LAMA1: variants seen among roughly 807,000 people sequenced by gnomAD.
The protein encoded by LAMA1 is laminin subunit alpha 1.
LAMA1 carries 219 observed loss-of-function variants against 348.7 expected under a neutral mutation model. The ratio of observed to expected loss-of-function variants is 0.63; its 90% CI spans 0.56 to 0.70. LAMA1 has a LOEUF of 0.70. LAMA1 is among the 30% of genes least tolerant of loss of function. The pLI is 0.00. For synonymous variants in LAMA1, 1,487 were observed against 1,491.0 expected (o/e 1.00, Z 0.06); for missense variants, 3,744 against 3,888.0 (o/e 0.96, Z 0.99).
At chr18:7,055,308 C>A (rs534291265) in intron 3 of LAMA1, among the ~76,000 whole-genome samples, 20 of 151,960 alleles carry the variant, frequency 1.3e-4, no homozygotes, top group African/African-American at 4.8e-4. Flanking sequence ...CAAAAATTAG[C>A]TGGGTGTAGT....
intron 27 of LAMA1, 28 bp downstream of exon 27, chr18:7,009,211 C>T (rs756399937): frequency 2.7e-5 from 43 of 1,613,292 alleles, no homozygotes; most frequent in Admixed American, 1.2e-4. Flanking sequence ...ATGAAAATAA[C>T]GGTCAAAATT....
chr18:7,056,354 T>A (rs2058081938), intron 3 of LAMA1, among the ~76,000 whole-genome samples: 1 of 152,222 alleles, frequency 6.6e-6, no homozygotes, highest in South Asian at 2.1e-4. Context: ...TGAAACAGAA[T>A]GTAATTACTT....
At chr18:6,970,074 G>T (rs1272787141) in intron 48 of LAMA1, among the ~76,000 whole-genome samples, 1 of 152,142 alleles carries the variant, frequency 6.6e-6, no homozygotes, top group Non-Finnish European at 1.5e-5. Context: ...AGGGGTCGGG[G>T]TGTTTTTCAT....
chr18:7,044,519 G>A (rs1255842900), intron 7 of LAMA1, among the ~76,000 whole-genome samples: 2 of 151,990 alleles, frequency 1.3e-5, no homozygotes, highest in Non-Finnish European at 2.9e-5. Flanking sequence ...CGGGAAGGGG[G>A]ACTCATAGAT....
chr18:6,994,716 G>GCAAA (rs1555649777), intron 34 of LAMA1, among the ~76,000 whole-genome samples: 3 of 150,648 alleles, frequency 2.0e-5, no homozygotes, highest in Non-Finnish European at 4.4e-5. Context: ...ATTCATAAAT[G>GCAAA]AAAAAACAGT....
intron 3 of LAMA1, among the ~76,000 whole-genome samples, chr18:7,075,991 T>A (rs116659155): frequency 1.3e-5 from 2 of 151,394 alleles, no homozygotes; most frequent in Admixed American, 1.3e-4. Flanking sequence ...GTGCCTGAAC[T>A]GTGCCAATGT....
rs148925029 is a variant in LAMA1, at chr18:6,980,567, G to T, written c.5961C>A (p.Thr1987=). 3.7e-5 allele frequency: 60 copies of T among 1,613,326 alleles called. No individual in the cohort carries two copies. The African/African-American group carries it at 7.5e-4, about 20-fold the overall frequency. The part of the protein sequence containing the change: ...NRFQENAVEI[T]RQTNESLLIL... ...TCAAGAGTGATTCATTGGTTTGCCT[G>T]GTAATTTCAACAGCATTCTCTTGAA... The change falls in exon 42 of 63, where the codon ACC becomes ACA. Residue 1987 remains threonine (T), a synonymous_variant. Transcript: ENST00000389658.
chr18:7,061,053 G>A (rs1162590777), intron 3 of LAMA1, among the ~76,000 whole-genome samples: 1 of 152,154 alleles, frequency 6.6e-6, no homozygotes, highest in Admixed American at 6.5e-5. Context: ...CAGCCATGGA[G>A]AGGCTGAAGT....
Position 6,967,377 on chromosome 18 carries a change from C to G in LAMA1, c.6900-1080G>C, listed in dbSNP as rs946554175. 1.5e-3 allele frequency among the ~76,000 whole-genome samples: 221 copies of G among 152,248 alleles called. 2 individuals carry two copies. The highest frequency in any genetic ancestry group is 6.5e-4 in the Non-Finnish European group (44 of 68,022). On this transcript the variant is annotated intron_variant, in intron 48 of 62. Coordinates refer to ENST00000389658, the MANE Select transcript of LAMA1 (RefSeq NM_005559.4). ...CTAGCCATATGTTCCATTGTTCTAC[C>G]TCTTGGCCAACCACAGTGCATGTGC...
chr18:7,101,185 T>C (rs2058289932), intron 1 of LAMA1, among the ~76,000 whole-genome samples: 1 of 152,192 alleles, frequency 6.6e-6, no homozygotes, highest in Admixed American at 6.5e-5. Flanking sequence ...TGTATAGCAC[T>C]CTAAATTTAC....
intron 1 of LAMA1, among the ~76,000 whole-genome samples, chr18:7,091,133 A>G (rs2058238253): frequency 6.6e-6 from 1 of 152,260 alleles, no homozygotes. Flanking sequence ...TAGTTGGCAG[A>G]GAAAAGAACT....
At chr18:6,993,555 T>G in intron 35 of LAMA1, 86 bp downstream of exon 35, 1 of 989,714 alleles carries the variant, frequency 1.0e-6, no homozygotes, top group South Asian at 1.3e-5. Context: ...GCAAGAGATA[T>G]ACATCTATTC....
At chr18:6,997,030 T>C (rs901416459) in intron 33 of LAMA1, among the ~76,000 whole-genome samples, 4 of 152,090 alleles carry the variant, frequency 2.6e-5, no homozygotes, top group Non-Finnish European at 5.9e-5. Flanking sequence ...GAAGATACTG[T>C]TCAGATTTAT....
At chr18:6,997,103 C>CA (rs2057784842) in intron 33 of LAMA1, among the ~76,000 whole-genome samples, 1 of 152,120 alleles carries the variant, frequency 6.6e-6, no homozygotes, top group East Asian at 1.9e-4. Context: ...CTTGCTCTGT[C>CA]GCCAGGCTGG....
intron 1 of LAMA1, among the ~76,000 whole-genome samples, chr18:7,088,054 G>C (rs758210113): frequency 1.1e-4 from 17 of 152,158 alleles, no homozygotes; most frequent in Admixed American, 2.0e-4. Flanking sequence ...AAGTGGGTTG[G>C]CCTTTAGGGG....
chr18:7,112,646 T>TC lies in LAMA1; in HGVS notation c.61+5013_61+5014insG, dbSNP rs1163787983. 3.3e-5 allele frequency among the ~76,000 whole-genome samples: 5 copies of TC among 151,088 alleles called. No individual in the cohort carries two copies. In the South Asian group the frequency reaches 1.0e-3, roughly 32 times the overall value. ...TATTTTATATATATATATACATTTT[T>TC]TTTTTTTGAGACAGAGTTTCACTCT... is the stretch of plus-strand genomic sequence containing the variant. On this transcript the variant is annotated intron_variant, in intron 1 of 62. Coordinates refer to ENST00000389658, the MANE Select transcript of LAMA1 (RefSeq NM_005559.4).
Position 6,986,359 on chromosome 18 carries a change from G to A in LAMA1, c.5169-12C>T. ...AATCTTCAGCAGCCCTGATAAATAT[G>A]AATGGTTCACATAGTAAGTAAATGA... On this transcript the variant is annotated splice_polypyrimidine_tract_variant and intron_variant, in intron 36 of 62. Coordinates refer to ENST00000389658, the MANE Select transcript of LAMA1 (RefSeq NM_005559.4). 6.2e-7 allele frequency: 1 copy of A among 1,611,570 alleles called. No homozygotes were observed.
intron 36 of LAMA1, among the ~76,000 whole-genome samples, 169 bp from the exon 37 acceptor site, chr18:6,986,516 A>G (rs2057736164): frequency 6.6e-6 from 1 of 150,880 alleles, no homozygotes; most frequent in Non-Finnish European, 1.5e-5. Flanking sequence ...AGATAGCTAC[A>G]GGTATGGCAG....
At position 6,947,145 on chromosome 18, in the gene LAMA1, T is replaced by G. The variant is rs1253550932; in HGVS notation, c.8844+18A>C. ...GACACTGGGGGGAGGAAGACCCTCA[T>G]GGAGAGGAAGCACCCACCTTGCCGT... On this transcript the variant is annotated intron_variant, in intron 61 of 62. Transcript: ENST00000389658. 2 of 1,614,168 alleles carry G rather than the reference T, an allele frequency of 1.2e-6. No homozygotes were observed. Among genetic ancestry groups the G allele is most frequent in the South Asian group, 1.1e-5 (1 of 91,084 alleles).
Sources: allele counts gnomAD v4.1 joint callset (sites outside exome capture counted in the v4.1 genomes callset), GRCh38; gene constraint gnomAD v4.1.1; transcripts MANE v1.5; gene names NCBI Gene and HGNC (gene_info 2026-07-23, HGNC 2026-07-21).